LEKR1: variants seen among roughly 807,000 people sequenced by gnomAD.
LEKR1 encodes the protein protein LEKR1.
LEKR1 carries 59 observed loss-of-function variants against 72.4 expected under a neutral mutation model. The observed-to-expected ratio is 0.82, with a 90% CI of 0.66 to 1.01. The LOEUF (loss-of-function observed/expected upper bound fraction) is 1.01. LEKR1 is among the 50% of genes least tolerant of loss of function. The pLI is 0.00. For synonymous variants in LEKR1, 257 were observed against 263.2 expected, an observed-to-expected ratio of 0.98 and a Z score of 0.23; for missense variants, 728 against 759.2, an observed-to-expected ratio of 0.96 and a Z score of 0.48.
intron 10 of LEKR1, among the ~76,000 whole-genome samples, chr3:157,019,792 C>A (rs1321450920): frequency 6.6e-6 from 1 of 152,108 alleles, no homozygotes; most frequent in Non-Finnish European, 1.5e-5. Flanking sequence ...AAATAATGTA[C>A]CCCTTAAGCA....
intron 3 of LEKR1, among the ~76,000 whole-genome samples, chr3:156,906,247 A>G (rs1722522362): frequency 1.3e-5 from 2 of 152,242 alleles, no homozygotes; most frequent in Admixed American, 1.3e-4. Context: ...TCCACATGAA[A>G]ATAATTAAGA....
In LEKR1 at chr3:156,930,342, A is replaced by T. The variant is rs926500415; in HGVS notation, c.559+2738A>T. Reference sequence around the variant, plus strand: ...ATATAAAAGACTCCTTTTCCTTTAAATTTTTTTTTAAAAACTCACATGCTT... The same window carrying T: ...ATATAAAAGACTCCTTTTCCTTTAATTTTTTTTTTAAAAACTCACATGCTT... On this transcript the variant is annotated intron_variant, in intron 5 of 12. Coordinates refer to ENST00000356539, the MANE Select transcript of LEKR1 (RefSeq NM_001004316.3). Among the ~76,000 whole-genome samples the T allele has an allele frequency of 5.3e-5, 8 of 151,876 alleles. No individual in the cohort carries two copies. In the East Asian group the frequency reaches 9.6e-4, roughly 18 times the overall value.
At chr3:156,957,382 A>T (rs1266767073) in intron 6 of LEKR1, among the ~76,000 whole-genome samples, 1 of 152,036 alleles carries the variant, frequency 6.6e-6, no homozygotes, top group African/African-American at 2.4e-5. Flanking sequence ...TGGAAATATG[A>T]GAATAAATTT....
chr3:156,849,644 A>G (rs916615799), intron 2 of LEKR1, among the ~76,000 whole-genome samples: 16 of 152,350 alleles, frequency 1.1e-4, no homozygotes, highest in African/African-American at 3.8e-4. Flanking sequence ...CCTGACAAAA[A>G]CAAGAAATGG....
At chr3:156,928,616 A>C (rs1724942400) in intron 5 of LEKR1, among the ~76,000 whole-genome samples, 1 of 152,088 alleles carries the variant, frequency 6.6e-6, no homozygotes, top group African/African-American at 2.4e-5. Flanking sequence ...AGATCAAGGC[A>C]ACCTCAGCCT....
At chr3:156,828,796 C>T (rs1711988077) in intron 1 of LEKR1, among the ~76,000 whole-genome samples, 1 of 152,176 alleles carries the variant, frequency 6.6e-6, no homozygotes, top group Non-Finnish European at 1.5e-5. Context: ...TCAGTGTTTG[C>T]ATATCATATT....
intron 3 of LEKR1, among the ~76,000 whole-genome samples, chr3:156,857,964 G>A (rs995281460): frequency 6.6e-6 from 1 of 152,168 alleles, no homozygotes; most frequent in African/African-American, 2.4e-5. Flanking sequence ...TGAAGATTTG[G>A]TAGATCTTCA....
chr3:156,959,795 A>G (rs1727953545), intron 6 of LEKR1, among the ~76,000 whole-genome samples: 1 of 152,172 alleles, frequency 6.6e-6, no homozygotes, highest in Non-Finnish European at 1.5e-5. Flanking sequence ...TTTGCTGAAT[A>G]TTATGTCACT....
chr3:157,038,504 T>C (rs1735119628), intron 12 of LEKR1, among the ~76,000 whole-genome samples: 1 of 152,168 alleles, frequency 6.6e-6, no homozygotes, highest in South Asian at 2.1e-4. Context: ...CCCTTGGGAC[T>C]GAATGAGATC....
intron 5 of LEKR1, among the ~76,000 whole-genome samples, chr3:156,941,877 T>C (rs952859711): frequency 5.3e-5 from 8 of 152,190 alleles, no homozygotes; most frequent in African/African-American, 1.9e-4. Flanking sequence ...TTGTATAAAA[T>C]TAGCATATTT....
intron 12 of LEKR1, among the ~76,000 whole-genome samples, chr3:157,034,889 T>G (rs535937509): frequency 6.6e-6 from 1 of 152,268 alleles, no homozygotes; most frequent in South Asian, 2.1e-4. Context: ...CTCAGCTCAC[T>G]GCAACTTCTG....
chr3:157,020,996 T>C (rs1057228122), intron 10 of LEKR1, among the ~76,000 whole-genome samples: 1 of 151,740 alleles, frequency 6.6e-6, no homozygotes, highest in Non-Finnish European at 1.5e-5. Context: ...TGGTATCTCA[T>C]TGTGGTTTTG....
chr3:157,019,392 G>A (rs983421177), intron 10 of LEKR1, among the ~76,000 whole-genome samples: 8 of 152,086 alleles, frequency 5.3e-5, no homozygotes, highest in African/African-American at 1.9e-4. Flanking sequence ...AAATACAAAA[G>A]AAATTTAAAA....
At chr3:156,828,802 A>G (rs1212831919) in intron 1 of LEKR1, among the ~76,000 whole-genome samples, 1 of 152,202 alleles carries the variant, frequency 6.6e-6, no homozygotes, top group African/African-American at 2.4e-5. Flanking sequence ...TTTGCATATC[A>G]TATTTAATAT....
chr3:156,874,501 C>T (rs1230087754), intron 3 of LEKR1, among the ~76,000 whole-genome samples: 1 of 151,774 alleles, frequency 6.6e-6, no homozygotes, highest in Non-Finnish European at 1.5e-5. Context: ...GTGTTGCAGA[C>T]ATTTTCCCTT....
At chr3:156,827,155 G>A (rs765067515) in intron 1 of LEKR1, 1 of 152,222 alleles carries the variant, frequency 6.6e-6, no homozygotes, top group Non-Finnish European at 1.5e-5. Flanking sequence ...GTTGCCAAAA[G>A]GGAAAGACCC....
intron 2 of LEKR1, among the ~76,000 whole-genome samples, chr3:156,840,287 G>C (rs371492528): frequency 6.6e-6 from 1 of 152,120 alleles, no homozygotes; most frequent in African/African-American, 2.4e-5. Flanking sequence ...TGTCCATGTT[G>C]TTCAAAGGTC....
At chr3:156,996,304 A>C (rs1731561835) in intron 9 of LEKR1, among the ~76,000 whole-genome samples, 1 of 152,110 alleles carries the variant, frequency 6.6e-6, no homozygotes, top group African/African-American at 2.4e-5. Flanking sequence ...CATTTCCTAA[A>C]GGAAGACAAG....
At chr3:156,979,158 T>C (rs765148140) in intron 6 of LEKR1, 36 bp from the exon 7 acceptor site, 4 of 926,126 alleles carry the variant, frequency 4.3e-6, no homozygotes, top group South Asian at 4.1e-5. Flanking sequence ...ACACTTAAAA[T>C]GTACTAATCA....
Sources: gnomAD v4.1 joint callset for allele counts (sites outside exome capture counted in the v4.1 genomes callset) on GRCh38, gnomAD v4.1.1 for gene constraint, MANE v1.5 for transcripts, NCBI Gene and HGNC (gene_info 2026-07-23, HGNC 2026-07-21) for gene names.